Variants in PRKG1 observed in about 807,000 individuals in gnomAD.
PRKG1 encodes the protein protein kinase cGMP-dependent 1.
Under a neutral mutation model 88.1 loss-of-function variants are expected in PRKG1, and 35 were observed. The ratio of observed to expected loss-of-function variants is 0.40; its 90% CI spans 0.30 to 0.53. The LOEUF is 0.53. Among genes scored for constraint, PRKG1 ranks in the 20% least tolerant of loss-of-function variants. The pLI is 0.59. For synonymous variants in PRKG1, 303 were observed against 292.5 expected (o/e 1.04, Z -0.37); for missense variants, 540 against 839.8 (o/e 0.64, Z 4.41).
rs536857121 is a variant in PRKG1 at position 51,277,411 on chromosome 10, G to A, written c.478+124081G>A. 3.3e-5 allele frequency among the ~76,000 whole-genome samples: 5 copies of A among 152,258 alleles called. No individual in the cohort carries two copies. In the South Asian group the frequency reaches 8.3e-4, roughly 25 times the overall value. ...CAGGTAGCATGATCCCTCCGGCTTT[G>A]TTCTTTTGGCTTAGGATTGTCTTGG... On this transcript the variant is annotated intron_variant, in intron 2 of 17. Transcript: ENST00000373980.
intron 3 of PRKG1, among the ~76,000 whole-genome samples, chr10:51,487,346 T>C (rs1260776247): frequency 6.6e-6 from 1 of 152,170 alleles, no homozygotes; most frequent in African/African-American, 2.4e-5. Flanking sequence ...TTTTTTTGAG[T>C]GGGTACTCTT....
chr10:52,063,377 G>GGA (rs1049716065), intron 7 of PRKG1, among the ~76,000 whole-genome samples: 1 of 152,238 alleles, frequency 6.6e-6, no homozygotes, highest in Non-Finnish European at 1.5e-5. Context: ...GGTCGTGCCT[G>GGA]GAAGCTTAGA....
In PRKG1 at chr10:51,823,238, G is replaced by A. The variant is rs191142493; in HGVS notation, c.698+18548G>A. On this transcript the variant is annotated intron_variant, in intron 4 of 17. Coordinates refer to ENST00000373980, the MANE Select transcript of PRKG1 (RefSeq NM_006258.4). Reference sequence around the variant, plus strand: ...TTTAAATTAAAACAAGATAAAATGAGGGCAGATAAACAATATGCTAGACTT... The same window carrying A: ...TTTAAATTAAAACAAGATAAAATGAAGGCAGATAAACAATATGCTAGACTT... 3.3e-3 allele frequency among the ~76,000 whole-genome samples: 508 copies of A among 152,090 alleles called. 2 individuals carry two copies. The highest frequency in any genetic ancestry group is 0.012 in the African/African-American group (487 of 41,480).
rs569264370 is a variant in PRKG1, at chr10:51,927,369, C to T, written c.762+19799C>T. ...ACCTTTCATCATGACTGTGAGGCCT[C>T]TCCAGCCACATGGAACTGTGAGTCC... On this transcript the variant is annotated intron_variant, in intron 5 of 17. Coordinates refer to ENST00000373980, the MANE Select transcript of PRKG1 (RefSeq NM_006258.4). 2.4e-4 allele frequency among the ~76,000 whole-genome samples: 36 copies of T among 152,298 alleles called. 1 individual carries two copies. The South Asian group carries it at 7.2e-3, about 31-fold the overall frequency.
At chr10:51,213,615 A>G (rs945710046) in intron 2 of PRKG1, among the ~76,000 whole-genome samples, 1 of 152,240 alleles carries the variant, frequency 6.6e-6, no homozygotes, top group African/African-American at 2.4e-5. Context: ...TTCAATAGCC[A>G]TGCCTGGTGA....
At chr10:50,998,246 G>A (rs188408379) in intron 1 of PRKG1, among the ~76,000 whole-genome samples, 1 of 152,164 alleles carries the variant, frequency 6.6e-6, no homozygotes, top group South Asian at 2.1e-4. Flanking sequence ...TCGGGTCCTT[G>A]TATTTCTTCT....
chr10:51,996,313 T>C (rs1453123826), intron 5 of PRKG1, among the ~76,000 whole-genome samples: 3 of 22,812 alleles, frequency 1.3e-4, no homozygotes, highest in African/African-American at 4.7e-4. Flanking sequence ...AGACTCCATC[T>C]CAAAAAAAAA....
intron 5 of PRKG1, among the ~76,000 whole-genome samples, chr10:51,913,120 G>T (rs1205220504): frequency 6.6e-6 from 1 of 152,104 alleles, no homozygotes; most frequent in Non-Finnish European, 1.5e-5. Context: ...GTAGAGACAG[G>T]GTTTTGCCAT....
At chr10:51,068,818 C>A (rs1843785886) in intron 1 of PRKG1, among the ~76,000 whole-genome samples, 1 of 151,928 alleles carries the variant, frequency 6.6e-6, no homozygotes, top group South Asian at 2.1e-4. Context: ...ATTTATCATA[C>A]AGGTATGTTG....
At chr10:51,715,919 G>A (rs1027654873) in intron 3 of PRKG1, among the ~76,000 whole-genome samples, 2 of 152,204 alleles carry the variant, frequency 1.3e-5, no homozygotes, top group Admixed American at 1.3e-4. Flanking sequence ...GTCATTAGAC[G>A]GGTGGGTCTT....
Position 51,737,666 on chromosome 10 carries a change from C to T in PRKG1, c.593-66919C>T, listed in dbSNP as rs538815544. 4.0e-5 allele frequency among the ~76,000 whole-genome samples: 6 copies of T among 151,688 alleles called. No individual in the cohort carries two copies. The South Asian group carries it at 1.3e-3, about 32-fold the overall frequency. Reference sequence around the variant, plus strand: ...GGTTCCTGCCCTGATCTCAAGAAATCTGGACTTCTGGTCTGGTAGGGAGCC... The same window carrying T: ...GGTTCCTGCCCTGATCTCAAGAAATTTGGACTTCTGGTCTGGTAGGGAGCC... On this transcript the variant is annotated intron_variant, in intron 3 of 17. Transcript: ENST00000373980.
At chr10:52,157,438 T>C (rs1410841386) in intron 8 of PRKG1, among the ~76,000 whole-genome samples, 1 of 150,596 alleles carries the variant, frequency 6.6e-6, no homozygotes, top group Non-Finnish European at 1.5e-5. Context: ...ACTGCCTTTC[T>C]AATAATTTAA....
At chr10:51,634,870 G>A (rs1263595378) in intron 3 of PRKG1, among the ~76,000 whole-genome samples, 1 of 152,024 alleles carries the variant, frequency 6.6e-6, no homozygotes, top group Non-Finnish European at 1.5e-5. Flanking sequence ...ATTCTCACTT[G>A]TAAGTGGGAG....
At chr10:51,042,771 T>G (rs1000573781) in intron 1 of PRKG1, among the ~76,000 whole-genome samples, 2 of 152,108 alleles carry the variant, frequency 1.3e-5, no homozygotes, top group Admixed American at 1.3e-4. Context: ...CCCCCACAAT[T>G]CATATGTTAA....
At chr10:51,642,630 C>T (rs1289704313) in intron 3 of PRKG1, among the ~76,000 whole-genome samples, 1 of 152,128 alleles carries the variant, frequency 6.6e-6, no homozygotes, top group Non-Finnish European at 1.5e-5. Flanking sequence ...TAAGACTTCT[C>T]TTTTAGAGTT....
At chr10:51,102,927 A>G (rs1475793757) in intron 1 of PRKG1, among the ~76,000 whole-genome samples, 1 of 152,198 alleles carries the variant, frequency 6.6e-6, no homozygotes, top group South Asian at 2.1e-4. Context: ...ATCATCTACC[A>G]TAAATAACTT....
chr10:51,434,212 C>T (rs1838857526), intron 2 of PRKG1, among the ~76,000 whole-genome samples: 1 of 152,106 alleles, frequency 6.6e-6, no homozygotes. Flanking sequence ...GGCAGTGCGC[C>T]TTCAAATCCG....
intron 5 of PRKG1, among the ~76,000 whole-genome samples, chr10:51,974,420 A>G (rs903524059): frequency 3.9e-5 from 6 of 152,254 alleles, no homozygotes; most frequent in African/African-American, 1.4e-4. Flanking sequence ...ACCCTTCTTA[A>G]CATGTTAGGT....
At chr10:51,408,554 A>G (rs938968221) in intron 2 of PRKG1, among the ~76,000 whole-genome samples, 1 of 152,190 alleles carries the variant, frequency 6.6e-6, no homozygotes, top group Non-Finnish European at 1.5e-5. Context: ...AAGAGGTTCA[A>G]TATAATCAAC....
Sources: allele counts gnomAD v4.1 joint callset (sites outside exome capture counted in the v4.1 genomes callset), GRCh38; gene constraint gnomAD v4.1.1; transcripts MANE v1.5; gene names NCBI Gene and HGNC (gene_info 2026-07-23, HGNC 2026-07-21).